NPIPB11: variants seen among roughly 807,000 people sequenced by gnomAD.
NPIPB11 encodes the protein nuclear pore complex interacting protein family member B11.
Under a neutral mutation model 32.8 loss-of-function variants are expected in NPIPB11, and 17 were observed. That is an observed-to-expected ratio of 0.52 (90% CI 0.35 to 0.78). The LOEUF (loss-of-function observed/expected upper bound fraction) is 0.78. Among genes scored for constraint, NPIPB11 ranks in the 30% least tolerant of loss-of-function variants. NPIPB11 has a pLI of 0.01. For missense variants in NPIPB11, 537 were observed against 1,000.4 expected, an observed-to-expected ratio of 0.54 and a Z score of 6.25; for synonymous variants, 209 against 398.4, an observed-to-expected ratio of 0.52 and a Z score of 5.66.
At chr16:29,389,367 TAAAAAAAAA>T (rs1175211779) in intron 5 of NPIPB11, among the ~76,000 whole-genome samples, 8 of 58,656 alleles carry the variant, frequency 1.4e-4, no homozygotes, top group African/African-American at 6.8e-4. Context: ...ATCTCAAAAT[TAAAAAAAAA>T]AAAAAAAAAA....
At chr16:29,395,761 C>G (rs1321465525) in intron 2 of NPIPB11, among the ~76,000 whole-genome samples, 2 of 150,370 alleles carry the variant, frequency 1.3e-5, no homozygotes, top group Non-Finnish European at 3.0e-5. Flanking sequence ...GGGTGGACCA[C>G]GAGATCAGGA....
At chr16:29,405,509 A>G (rs1268332185), upstream of NPIPB11, among the ~76,000 whole-genome samples, 3 of 152,138 alleles carry the variant, frequency 2.0e-5, no homozygotes, top group African/African-American at 4.8e-5. Flanking sequence ...ATTCCCACAC[A>G]TTATTACACT....
Position 29,402,086 on chromosome 16 carries a change from AC to A in NPIPB11, c.120+1596del, listed in dbSNP as rs565110867. Among the ~76,000 whole-genome samples, 47 of 151,142 alleles carry A rather than the reference AC, an allele frequency of 3.1e-4. 1 individual carries two copies. Among genetic ancestry groups the A allele is most frequent in the African/African-American group, 9.8e-4 (40 of 40,782 alleles). On this transcript the variant is annotated intron_variant, in intron 2 of 7. Transcript: ENST00000524087. ...CTTATTGACTGTAACCTCAGGCTTA[AC>A]TTTCAGTCTCTGGGCCTCAGTTTCA...
intron 2 of NPIPB11, among the ~76,000 whole-genome samples, chr16:29,399,062 G>A (rs965208824): frequency 6.7e-6 from 1 of 150,370 alleles, no homozygotes; most frequent in South Asian, 2.1e-4. Context: ...TAAGGTATTT[G>A]CCCACAATAC....
chr16:29,389,922 G>C lies in NPIPB11; in HGVS notation c.545+19C>G. The C allele has an allele frequency of 6.3e-6, 10 of 1,585,984 alleles. No individual in the cohort carries two copies. Among genetic ancestry groups the C allele is most frequent in the African/African-American group, 1.4e-5 (1 of 73,734 alleles). On this transcript the variant is annotated intron_variant, in intron 5 of 7. Coordinates refer to ENST00000524087, the Ensembl canonical transcript of NPIPB11. ...GCACATGGTTCCTACAACAGTATTTGTGTCAAGGCACATCTTACTGTTTTC... is the reference window on the plus strand; with the variant it reads ...GCACATGGTTCCTACAACAGTATTTCTGTCAAGGCACATCTTACTGTTTTC...
intron 3 of NPIPB11, among the ~76,000 whole-genome samples, chr16:29,390,620 C>G (rs1293721614): frequency 6.8e-6 from 1 of 147,360 alleles, no homozygotes; most frequent in African/African-American, 2.5e-5. Flanking sequence ...CCACTGCACT[C>G]CAGCCTGAGC....
chr16:29,389,335 C>T (rs1394465961), intron 5 of NPIPB11, among the ~76,000 whole-genome samples: 1 of 141,878 alleles, frequency 7.0e-6, no homozygotes, highest in Non-Finnish European at 1.5e-5. Flanking sequence ...GCACTCCAGC[C>T]TGGGCGACAG....
chr16:29,394,734 T>TTTTTTG (rs1235801848), intron 2 of NPIPB11, among the ~76,000 whole-genome samples: 3 of 148,040 alleles, frequency 2.0e-5, no homozygotes, highest in African/African-American at 7.5e-5. Flanking sequence ...GCCCAGCCAT[T>TTTTTTG]TTTTTGTTTT....
intron 3 of NPIPB11, among the ~76,000 whole-genome samples, 161 bp from the exon 4 acceptor site, chr16:29,390,509 C>T (rs376207288): frequency 5.3e-5 from 8 of 151,388 alleles, no homozygotes; most frequent in South Asian, 2.1e-4. Context: ...AAAAATTAGC[C>T]GGGCATGGCA....
chr16:29,406,406 A>G (rs1052628683), upstream of NPIPB11, among the ~76,000 whole-genome samples: 6 of 152,256 alleles, frequency 3.9e-5, no homozygotes, highest in African/African-American at 1.2e-4. Flanking sequence ...ATGTTTGCTA[A>G]AGTTATATTT....
chr16:29,389,770 AG>A (rs1245613217), intron 5 of NPIPB11, among the ~76,000 whole-genome samples, 170 bp downstream of exon 5: 1 of 151,240 alleles, frequency 6.6e-6, no homozygotes, highest in Admixed American at 6.6e-5. Flanking sequence ...GAATGTAGGA[AG>A]GGAAAGGAAT....
intron 2 of NPIPB11, 65 bp from the exon 3 acceptor site, chr16:29,394,141 A>T (rs893402577): frequency 1.9e-6 from 3 of 1,560,330 alleles, no homozygotes; most frequent in Non-Finnish European, 8.7e-7. Context: ...ACTCAGAAAG[A>T]ATCATCCTTA....
chr16:29,387,395 TC>T (rs1416091584), intron 5 of NPIPB11, among the ~76,000 whole-genome samples: 1 of 146,414 alleles, frequency 6.8e-6, no homozygotes, highest in Non-Finnish European at 1.5e-5. Flanking sequence ...GGATTGCTCC[TC>T]ATCTGACTCC....
At chr16:29,383,330 T>A (rs780514819) in exon 8 of NPIPB11, 1 of 1,510,156 alleles carries the variant, frequency 6.6e-7, no homozygotes, top group Non-Finnish European at 8.8e-7. Flanking sequence ...TATTATCATC[T>A]GCTGAGGGTG....
At position 29,402,619 on chromosome 16, in the gene NPIPB11, C is replaced by T. The variant is rs867413088; in HGVS notation, c.120+1064G>A. 6.9e-4 allele frequency among the ~76,000 whole-genome samples: 92 copies of T among 134,288 alleles called. 1 individual carries two copies. Among genetic ancestry groups the T allele is most frequent in the Admixed American group, 9.7e-4 (13 of 13,450 alleles). The allele number at this position is 134,288 out of a possible 152,430, so 88.1% of individuals were successfully genotyped here. On this transcript the variant is annotated intron_variant, in intron 2 of 7. Coordinates refer to ENST00000524087, the Ensembl canonical transcript of NPIPB11. ...CTCAGAGGCTGAGGCAGAGGAATTG[C>T]TTGAACCCGGGAGACGGAGGTTGCA...
At chr16:29,395,123 C>T (rs1472929099) in intron 2 of NPIPB11, among the ~76,000 whole-genome samples, 1 of 119,488 alleles carries the variant, frequency 8.4e-6, no homozygotes, top group East Asian at 2.4e-4. Context: ...CACATGCAGC[C>T]CGTCACTCAT....
intron 5 of NPIPB11, 97 bp downstream of exon 5, chr16:29,389,844 A>G: frequency 1.3e-6 from 2 of 1,565,558 alleles, no homozygotes; most frequent in Non-Finnish European, 8.6e-7. Flanking sequence ...TGAATTTGCC[A>G]CAAATATTGT....
chr16:29,397,391 T>C (rs566624807), intron 2 of NPIPB11, among the ~76,000 whole-genome samples: 8 of 151,220 alleles, frequency 5.3e-5, no homozygotes, highest in African/African-American at 1.9e-4. Context: ...TGGAATTTTT[T>C]GTAGAGATGG....
chr16:29,393,947 C>T lies in NPIPB11; in HGVS notation c.249+1G>A. On this transcript the variant is annotated splice_donor_variant, in intron 3 of 7. Transcript: ENST00000524087. LOFTEE classifies it high-confidence loss of function. ...CCTCTACAGAAAGTTAGTATACTCA[C>T]CCAAAGGTAAACTATCCAGAGGGTA... is the stretch of plus-strand genomic sequence containing the variant. The T allele has an allele frequency of 1.9e-6, 3 of 1,595,298 alleles. No individual in the cohort carries two copies. Among genetic ancestry groups the T allele is most frequent in the Non-Finnish European group, 2.5e-6 (3 of 1,178,048 alleles).
Sources: allele counts gnomAD v4.1 joint callset (sites outside exome capture counted in the v4.1 genomes callset), GRCh38; gene constraint gnomAD v4.1.1; transcripts MANE v1.5; gene names NCBI Gene and HGNC (gene_info 2026-07-23, HGNC 2026-07-21).